Variants in FRMD4A observed in about 807,000 individuals in gnomAD.
FRMD4A encodes FERM domain containing 4A, also known as FERM domain-containing protein 4A.
A neutral mutation model predicts 129.1 loss-of-function variants in FRMD4A; 29 were observed. That is an observed-to-expected ratio of 0.22 (90% CI 0.17 to 0.31). FRMD4A has a LOEUF of 0.31. Ranked by LOEUF, FRMD4A falls within the 10% of genes least tolerant of loss-of-function variation. The pLI, the probability that FRMD4A is intolerant of heterozygous loss-of-function variation, is 1.00. For synonymous variants in FRMD4A, 634 were observed against 571.6 expected (o/e 1.11, Z -1.56); for missense variants, 1,272 against 1,375.8 (o/e 0.92, Z 1.19).
chr10:13,739,960 T>C (rs2090888697), intron 11 of FRMD4A, among the ~76,000 whole-genome samples: 1 of 151,982 alleles, frequency 6.6e-6, no homozygotes, highest in East Asian at 1.9e-4. Context: ...ATTAGCTGGG[T>C]GTGGTGGCGC....
chr10:14,078,669 A>G lies in FRMD4A; in HGVS notation c.46-219757T>C, dbSNP rs79237828. Among the ~76,000 whole-genome samples the G allele has an allele frequency of 9.2e-3, 1,405 of 152,322 alleles. 80 individuals carry two copies. In the East Asian group the frequency reaches 0.16, roughly 17 times the overall value. ...ATGTGTTTAGGTCATGGTGGGGGGT[A>G]TGACCATTATAGGATGGATGAAAAA... On this transcript the variant is annotated intron_variant, in intron 2 of 24. Coordinates refer to ENST00000357447, the MANE Select transcript of FRMD4A (RefSeq NM_018027.5).
At chr10:14,125,096 A>G (rs1475387987) in intron 2 of FRMD4A, among the ~76,000 whole-genome samples, 4 of 152,160 alleles carry the variant, frequency 2.6e-5, no homozygotes, top group African/African-American at 9.7e-5. Flanking sequence ...CTCAGCTATC[A>G]CCGGAATGCA....
intron 2 of FRMD4A, among the ~76,000 whole-genome samples, chr10:14,172,844 A>G (rs1160786874): frequency 2.0e-5 from 3 of 152,234 alleles, no homozygotes; most frequent in African/African-American, 7.2e-5. Flanking sequence ...AGCCCGCAGA[A>G]GGGCTGGAGT....
chr10:13,758,941 C>G (rs949011360), intron 8 of FRMD4A, among the ~76,000 whole-genome samples: 1 of 152,066 alleles, frequency 6.6e-6, no homozygotes, highest in Admixed American at 6.6e-5. Flanking sequence ...TGGTCAATTT[C>G]GACGTGTTGG....
intron 17 of FRMD4A, among the ~76,000 whole-genome samples, chr10:13,669,484 C>T (rs144702720): frequency 2.5e-3 from 378 of 152,336 alleles, no homozygotes; most frequent in South Asian, 0.012. Context: ...GCACATGGGT[C>T]CCTCTCTGAA....
chr10:13,994,711 T>C (rs191478048), intron 2 of FRMD4A, among the ~76,000 whole-genome samples: 106 of 152,346 alleles, frequency 7.0e-4, no homozygotes, highest in African/African-American at 2.3e-3. Context: ...TACAGACATA[T>C]GTATTTTTTC....
chr10:13,877,611 C>T (rs74121740), intron 2 of FRMD4A, among the ~76,000 whole-genome samples: 2,059 of 152,334 alleles, frequency 0.014, 42 homozygotes, highest in African/African-American at 0.046. Flanking sequence ...TCCACAGTGA[C>T]TTTGACATCC....
intron 2 of FRMD4A, among the ~76,000 whole-genome samples, chr10:14,149,238 C>T (rs577677805): frequency 1.3e-5 from 2 of 152,262 alleles, no homozygotes; most frequent in South Asian, 2.1e-4. Flanking sequence ...CATATGTCTC[C>T]TTTAATATGC....
chr10:13,747,665 C>G, intron 9 of FRMD4A, 71 bp downstream of exon 9: 1 of 801,740 alleles, frequency 1.2e-6, no homozygotes. Flanking sequence ...AGGGAGGGTA[C>G]ATTCAGTTGT....
intron 17 of FRMD4A, among the ~76,000 whole-genome samples, chr10:13,669,435 C>T (rs528540763): frequency 6.6e-6 from 1 of 152,348 alleles, no homozygotes. Flanking sequence ...CCTGCCACTG[C>T]AGATCTCAGG....
At chr10:13,897,519 G>C (rs2094771853) in intron 2 of FRMD4A, among the ~76,000 whole-genome samples, 1 of 152,208 alleles carries the variant, frequency 6.6e-6, no homozygotes, top group African/African-American at 2.4e-5. Flanking sequence ...TACATGATGG[G>C]CAGATGACAC....
At chr10:14,162,641 G>GTTTTTTTTTTTTTTTTTTTTTT (rs71388160) in intron 2 of FRMD4A, among the ~76,000 whole-genome samples, 2 of 118,390 alleles carry the variant, frequency 1.7e-5, no homozygotes, top group Non-Finnish European at 3.4e-5. Flanking sequence ...TTTTTTTTTT[G>GTTTTTTTTTTTTTTTTTTTTTT]TTTTTTTTTT....
intron 2 of FRMD4A, among the ~76,000 whole-genome samples, chr10:14,064,592 T>G (rs1208084644): frequency 6.6e-6 from 1 of 152,204 alleles, no homozygotes; most frequent in African/African-American, 2.4e-5. Flanking sequence ...TATTTATTTA[T>G]TTTGAGGCAG....
chr10:14,175,750 C>G (rs11258917), intron 2 of FRMD4A, among the ~76,000 whole-genome samples: 7,039 of 152,146 alleles, frequency 0.046, 357 homozygotes, highest in East Asian at 0.22. Flanking sequence ...GTCTCAAACT[C>G]CTGGCCTCAA....
intron 8 of FRMD4A, among the ~76,000 whole-genome samples, chr10:13,760,995 C>T (rs1432963393): frequency 3.3e-5 from 5 of 151,832 alleles, no homozygotes; most frequent in Non-Finnish European, 7.4e-5. Flanking sequence ...GTGATGATCA[C>T]AAGAGATTTC....
chr10:14,233,814 G>A (rs780788314), intron 2 of FRMD4A, among the ~76,000 whole-genome samples: 51 of 152,182 alleles, frequency 3.4e-4, no homozygotes, highest in Admixed American at 1.4e-3. Flanking sequence ...ATTGGCTTTC[G>A]CAATTTCAAG....
At position 13,656,730 on chromosome 10, in the gene FRMD4A, C is replaced by G; in HGVS notation, c.2859G>C (p.Ser953=). 3 of 1,593,262 alleles carry G rather than the reference C, an allele frequency of 1.9e-6. No individual in the cohort carries two copies. The highest frequency in any genetic ancestry group is 1.7e-6 in the Non-Finnish European group (2 of 1,171,012). The stretch of plus-strand genomic sequence containing the variant: ...AGGTGCTGTACTGCGAGCCGCTGTC[C>G]GAGGAGGTGGAGCTGGTGTGCGACA... The part of the protein sequence containing the change: ...SRLSHTSSTS[S]DSGSQYSTSS... The change falls in exon 22 of 25, where the codon TCG becomes TCC. Residue 953 remains serine, a synonymous_variant. Coordinates refer to ENST00000357447, the MANE Select transcript of FRMD4A (RefSeq NM_018027.5).
chr10:14,068,834 T>C (rs1835183661), intron 2 of FRMD4A, among the ~76,000 whole-genome samples: 2 of 152,260 alleles, frequency 1.3e-5, no homozygotes, highest in South Asian at 4.2e-4. Context: ...GGAAGAAAGC[T>C]GTCTTATTTA....
intron 9 of FRMD4A, among the ~76,000 whole-genome samples, chr10:13,743,950 C>G (rs562539847): frequency 1.3e-5 from 2 of 152,092 alleles, no homozygotes; most frequent in Admixed American, 1.3e-4. Context: ...ATCCAGGAAG[C>G]AGAGTAAGTG....
Sources: gnomAD v4.1 joint callset for allele counts (sites outside exome capture counted in the v4.1 genomes callset) on GRCh38, gnomAD v4.1.1 for gene constraint, MANE v1.5 for transcripts, NCBI Gene and HGNC (gene_info 2026-07-23, HGNC 2026-07-21) for gene names.